Variants in KCNK12 observed in about 807,000 individuals in gnomAD.
The protein encoded by KCNK12 is potassium channel subfamily K member 12.
In KCNK12, 6 loss-of-function variants were observed where a neutral mutation model predicts 25.3. The ratio of observed to expected loss-of-function variants is 0.24; its 90% confidence interval spans 0.13 to 0.47. KCNK12 has a LOEUF of 0.47. Among genes scored for constraint, KCNK12 ranks in the 20% least tolerant of loss-of-function variants. The pLI is 0.99. For missense variants in KCNK12, 444 were observed against 661.7 expected (o/e 0.67, Z 3.61); for synonymous variants, 331 against 311.1 (o/e 1.06, Z -0.67).
In KCNK12 at chr2:47,510,534, G is replaced by C. The variant is rs537845595; in HGVS notation, c.*10373C>G. 6.6e-6 allele frequency among the ~76,000 whole-genome samples: 1 copy of C among 152,240 alleles called. No individual in the cohort carries two copies. Among genetic ancestry groups the C allele is most frequent in the South Asian group, 2.1e-4 (1 of 4,808 alleles). Reference sequence around the variant, plus strand: ...AGGAAAGCATCCTGGGTACACAAAAGTCAAGGCTCCAGGATCTGCCCTGGG... The same window carrying C: ...AGGAAAGCATCCTGGGTACACAAAACTCAAGGCTCCAGGATCTGCCCTGGG... On this transcript the variant is annotated 3_prime_UTR_variant, in exon 2 of 2. Transcript: ENST00000327876.
chr2:47,522,619 T>G (rs1455223675), intron 1 of KCNK12, among the ~76,000 whole-genome samples: 1 of 152,188 alleles, frequency 6.6e-6, no homozygotes, highest in African/African-American at 2.4e-5. Context: ...GGACTGCAGG[T>G]GTATGCCACC....
rs1572600643 is a variant in KCNK12 at position 47,547,862 on chromosome 2, T to TA, written c.391+22078dup. On this transcript the variant is annotated intron_variant, in intron 1 of 1. Transcript: ENST00000327876. The surrounding 1 kb of genome is among the most constrained non-coding windows in gnomAD (Gnocchi z 5.0). ...GTGGTTCTCACTCCTGGCTACATAT[T>TA]AGAGTTGATATGGTTTGGATTTGTG... 2.0e-5 allele frequency among the ~76,000 whole-genome samples: 3 copies of TA among 152,286 alleles called. No homozygotes were observed. The South Asian group carries it at 6.2e-4, about 32-fold the overall frequency.
Position 47,512,177 on chromosome 2 carries a change from A to G in KCNK12, c.*8730T>C, listed in dbSNP as rs1668418169. ...TGGTCCTGCTCCTCCCAGTCCATGGAGAAAAAAGAATTGAACAAACTGTCT... is the reference window on the plus strand; with the variant it reads ...TGGTCCTGCTCCTCCCAGTCCATGGGGAAAAAAGAATTGAACAAACTGTCT... On this transcript the variant is annotated 3_prime_UTR_variant, in exon 2 of 2. Transcript: ENST00000327876. 6 of 1,165,184 alleles carry G rather than the reference A, an allele frequency of 5.1e-6. No individual in the cohort carries two copies. The South Asian group carries it at 6.5e-5, about 13-fold the overall frequency. 72.2% of individuals were successfully genotyped at this position (1,165,184 alleles called of 1,614,324 possible).
intron 1 of KCNK12, chr2:47,563,949 G>T: frequency 1.3e-5 from 3 of 232,054 alleles, no homozygotes; most frequent in Non-Finnish European, 2.6e-5. Context: ...GGAGTCCAGG[G>T]GAGAGCAGGG....
chr2:47,552,471 G>A (rs989764214), intron 1 of KCNK12, among the ~76,000 whole-genome samples: 2 of 152,168 alleles, frequency 1.3e-5, no homozygotes, highest in Non-Finnish European at 2.9e-5. Context: ...TGCATTGTTA[G>A]AAACCCTGGG....
chr2:47,520,416 A>C lies in KCNK12; in HGVS notation c.*491T>G. On this transcript the variant is annotated 3_prime_UTR_variant, in exon 2 of 2. Coordinates refer to ENST00000327876, the MANE Select transcript of KCNK12 (RefSeq NM_022055.2). This position sits in a 1 kb window ranked among gnomAD's most constrained non-coding sequence, Gnocchi z 5.0. ...ATATATATACATCGGGAGGCAACAT[A>C]TGGCTGTCCCAACCCCCACCTGTCA... The C allele has an allele frequency of 6.5e-6, 1 of 152,876 alleles. No individual in the cohort carries two copies. The highest frequency in any genetic ancestry group is 1.5e-5 in the Non-Finnish European group (1 of 68,458). The allele number at this position is 152,876 out of a possible 1,614,324, so 9.5% of individuals were successfully genotyped here.
chr2:47,568,357 G>C (rs1380526276), intron 1 of KCNK12, among the ~76,000 whole-genome samples: 3 of 151,072 alleles, frequency 2.0e-5, no homozygotes, highest in Admixed American at 6.6e-5. Flanking sequence ...GCTCTTAAAA[G>C]GGGATTTTTT....
chr2:47,534,516 C>CCA (rs1491177242), intron 1 of KCNK12, among the ~76,000 whole-genome samples: 8 of 19,894 alleles, frequency 4.0e-4, no homozygotes, highest in African/African-American at 2.8e-3. Context: ...CCCCTTCTAA[C>CCA]CCCCCCCCCC....
chr2:47,521,338 C>T lies in KCNK12; in HGVS notation c.862G>A (p.Val288Met). 6.2e-7 allele frequency: 1 copy of T among 1,613,600 alleles called. No homozygotes were observed. The highest frequency in any genetic ancestry group is 8.5e-7 in the Non-Finnish European group (1 of 1,179,854). Residue 288 changes from valine (V) to methionine (M), a missense_variant, in exon 2 of 2, where the codon GTG becomes ATG. Val to Met is a conservative substitution (Grantham distance 21). Transcript: ENST00000327876. ...TTGAAGAGCGAGTAAATGCAGCACA[C>T]GCCGAGCAGGATGAAGAGGAAGTTG... ...LGNFLFILLG[V>M]CCIYSLFNVI...
At position 47,520,928 on chromosome 2, in the gene KCNK12, G is replaced by T. The variant is rs1275978768; in HGVS notation, c.1272C>A (p.Ala424=). 6 of 1,268,270 alleles carry T rather than the reference G, an allele frequency of 4.7e-6. No homozygotes were observed. In the African/African-American group the frequency reaches 7.7e-5, roughly 16 times the overall value. The allele number at this position is 1,268,270 out of a possible 1,614,324, so 78.6% of individuals were successfully genotyped here. A position where few individuals can be genotyped will look rare whatever the true frequency, so the allele number is the denominator to read the frequency against. ...CGGTCTACCTGGAGGCGCTGGTCTC[G>T]GCCAGCCGGTTGTTCATGATGCCCA... ...GALGIMNNRL[A]ETSASR is the part of the protein sequence containing the mutation. The change falls in exon 2 of 2, where the codon GCC becomes GCA. Residue 424 remains alanine (A), a synonymous_variant. Transcript: ENST00000327876. This position sits in a 1 kb window ranked among gnomAD's most constrained non-coding sequence, Gnocchi z 5.0.
chr2:47,536,601 C>G (rs990569409), intron 1 of KCNK12, among the ~76,000 whole-genome samples: 1 of 152,176 alleles, frequency 6.6e-6, no homozygotes, highest in East Asian at 1.9e-4. Context: ...CCACAGACCT[C>G]CAGGAACACA....
Position 47,525,293 on chromosome 2 carries a change from T to C in KCNK12, c.392-3485A>G, listed in dbSNP as rs1053775510. Among the ~76,000 whole-genome samples the C allele has an allele frequency of 2.6e-5, 4 of 152,152 alleles. No homozygotes were observed. The highest frequency in any genetic ancestry group is 4.4e-5 in the Non-Finnish European group (3 of 68,020). ...GTTGTTGTGGCAGTGGAGAGTGCTG[T>C]GGATTCTTTCACTCACCCCCAGGCC... is the stretch of plus-strand genomic sequence containing the variant. On this transcript the variant is annotated intron_variant, in intron 1 of 1. Transcript: ENST00000327876. The surrounding 1 kb of genome is among the most constrained non-coding windows in gnomAD (Gnocchi z 4.1).
intron 1 of KCNK12, among the ~76,000 whole-genome samples, chr2:47,567,624 C>T (rs1367867112): frequency 6.6e-6 from 1 of 152,188 alleles, no homozygotes; most frequent in East Asian, 1.9e-4. Context: ...CAGCAGAGAC[C>T]CTGCTACTTT....
chr2:47,535,499 C>G (rs1382525262), intron 1 of KCNK12, among the ~76,000 whole-genome samples: 1 of 151,674 alleles, frequency 6.6e-6, no homozygotes, highest in Non-Finnish European at 1.5e-5. Context: ...GAGCTAATGG[C>G]ACATTCCACT....
intron 1 of KCNK12, among the ~76,000 whole-genome samples, chr2:47,549,557 A>T (rs780990865): frequency 1.3e-5 from 2 of 152,254 alleles, no homozygotes; most frequent in Non-Finnish European, 2.9e-5. Flanking sequence ...AAATATGTAA[A>T]ATATGCTCAA....
chr2:47,559,354 C>A (rs1669616733), intron 1 of KCNK12, among the ~76,000 whole-genome samples: 1 of 152,124 alleles, frequency 6.6e-6, no homozygotes, highest in Admixed American at 6.5e-5. Context: ...GCAGGGAGGC[C>A]CTGGGAGGTT....
At chr2:47,536,132 C>T (rs976299418) in intron 1 of KCNK12, among the ~76,000 whole-genome samples, 4 of 152,168 alleles carry the variant, frequency 2.6e-5, no homozygotes, top group African/African-American at 7.2e-5. Context: ...TGAGGCACAG[C>T]TCTGCCCAGA....
intron 1 of KCNK12, among the ~76,000 whole-genome samples, chr2:47,544,765 G>A (rs575810950): frequency 2.6e-4 from 40 of 152,310 alleles, no homozygotes; most frequent in African/African-American, 9.4e-4. Flanking sequence ...TCCTGTGGGG[G>A]ATGCAGTTGC....
chr2:47,570,555 G>T lies in KCNK12; in HGVS notation c.-224C>A. On this transcript the variant is annotated 5_prime_UTR_variant, in exon 1 of 2. Coordinates refer to ENST00000327876, the MANE Select transcript of KCNK12 (RefSeq NM_022055.2). ...CCACACGCGAGTCCCGTGGCCCAGCGGGTGCCCGGGCAGGGGCGCTCCTCT... is the reference window on the plus strand; with the variant it reads ...CCACACGCGAGTCCCGTGGCCCAGCTGGTGCCCGGGCAGGGGCGCTCCTCT... 2.9e-6 allele frequency: 1 copy of T among 341,614 alleles called. No individual in the cohort carries two copies. Among genetic ancestry groups the T allele is most frequent in the Non-Finnish European group, 5.0e-6 (1 of 199,592 alleles). The allele number at this position is 341,614 out of a possible 1,614,324, so 21.2% of individuals were successfully genotyped here. A position where few individuals can be genotyped will look rare whatever the true frequency, so the allele number is the denominator to read the frequency against.
Sources: allele counts gnomAD v4.1 joint callset (sites outside exome capture counted in the v4.1 genomes callset), GRCh38; gene constraint gnomAD v4.1.1; non-coding constraint Gnocchi (gnomAD v3.1); transcripts MANE v1.5; gene names NCBI Gene and HGNC (gene_info 2026-07-23, HGNC 2026-07-21).